ANKRD45: variants seen among roughly 807,000 people sequenced by gnomAD.
ANKRD45 encodes ankyrin repeat domain 45, also known as ankyrin repeat domain-containing protein 45.
A neutral mutation model predicts 28.1 loss-of-function variants in ANKRD45; 21 were observed. That is an observed-to-expected ratio of 0.75 (90% CI 0.53 to 1.08). The LOEUF (loss-of-function observed/expected upper bound fraction) is 1.08. Ranked by LOEUF, ANKRD45 falls within the 50% of genes least tolerant of loss-of-function variation. The pLI is 0.00. For synonymous variants in ANKRD45, 86 were observed against 103.9 expected (o/e 0.83, Z 1.05); for missense variants, 261 against 308.7 (o/e 0.85, Z 1.16).
chr1:173,685,020 A>G, the ANKRD45 span, among the ~76,000 whole-genome samples: 1 of 152,178 alleles, frequency 6.6e-6, no homozygotes, highest in Non-Finnish European at 1.5e-5. Context: ...GAGTCAAAAG[A>G]CCTATAAGAG....
Position 173,659,140 on chromosome 1 carries a change from A to G in ANKRD45, c.279T>C (p.Ile93=). 1 of 1,614,178 alleles carries G rather than the reference A, an allele frequency of 6.2e-7. No individual in the cohort carries two copies. Among genetic ancestry groups the G allele is most frequent in the South Asian group, 1.1e-5 (1 of 91,074 alleles). The change falls in exon 2 of 6, where the codon ATT becomes ATC. Residue 93 remains isoleucine (I), a synonymous_variant. Transcript: ENST00000333279. The stretch of plus-strand genomic sequence containing the variant: ...TCACACCATATTTTGCCAAAGCTCT[A>G]ATCACGTCACTTTGCCCAGCCATGC... ...AACMAGQSDV[I]RALAKYGVNL...
chr1:173,612,827 G>T (rs1038981615), intron 5 of ANKRD45: 1 of 163,408 alleles, frequency 6.1e-6, no homozygotes, highest in Non-Finnish European at 1.3e-5. Context: ...TCCTAACCGC[G>T]AGTGATCCGC....
Position 173,633,542 on chromosome 1 carries a change from C to A in ANKRD45, c.497-6383G>T, listed in dbSNP as rs567993177. ...AAAGCCCCAGAATAGCCAAAGACATCCTGAGCAAAACAAAAACATAAAAAC... is the reference window on the plus strand; with the variant it reads ...AAAGCCCCAGAATAGCCAAAGACATACTGAGCAAAACAAAAACATAAAAAC... On this transcript the variant is annotated intron_variant, in intron 3 of 5. Coordinates refer to ENST00000333279, the MANE Select transcript of ANKRD45 (RefSeq NM_198493.3). Among the ~76,000 whole-genome samples the A allele has an allele frequency of 3.3e-5, 5 of 151,942 alleles. No individual in the cohort carries two copies. In the East Asian group the frequency reaches 7.7e-4, roughly 23 times the overall value.
intron 2 of ANKRD45, among the ~76,000 whole-genome samples, chr1:173,649,708 C>T (rs1436249653): frequency 2.0e-5 from 3 of 152,072 alleles, no homozygotes; most frequent in African/African-American, 7.2e-5. Context: ...TCAAGATATT[C>T]TGTGATGTCT....
chr1:173,655,310 C>T (rs1571764312), intron 2 of ANKRD45, among the ~76,000 whole-genome samples: 1 of 152,188 alleles, frequency 6.6e-6, no homozygotes, highest in East Asian at 1.9e-4. Flanking sequence ...GATGTTGATA[C>T]TATTCCTTTC....
At chr1:173,634,603 A>G (rs957170516) in intron 3 of ANKRD45, among the ~76,000 whole-genome samples, 1 of 151,888 alleles carries the variant, frequency 6.6e-6, no homozygotes, top group Non-Finnish European at 1.5e-5. Context: ...AAAATTTCCT[A>G]ATTCCCCCAA....
the ANKRD45 span, among the ~76,000 whole-genome samples, chr1:173,686,123 G>A: frequency 6.6e-6 from 1 of 152,226 alleles, no homozygotes; most frequent in East Asian, 1.9e-4. Flanking sequence ...TCCAGCCTGA[G>A]GAGAGTCAGG....
the ANKRD45 span, among the ~76,000 whole-genome samples, chr1:173,710,618 CT>C: frequency 3.3e-5 from 5 of 152,232 alleles, no homozygotes; most frequent in South Asian, 2.1e-4. Context: ...TGGAATGCCC[CT>C]GGAAGGTCAT....
intron 5 of ANKRD45, among the ~76,000 whole-genome samples, chr1:173,620,649 C>T (rs926065763): frequency 2.0e-5 from 3 of 151,892 alleles, no homozygotes; most frequent in South Asian, 2.1e-4. Context: ...TGCTAGATGA[C>T]GAGTTAGTGG....
chr1:173,630,923 C>T (rs1432697987), intron 3 of ANKRD45, among the ~76,000 whole-genome samples: 1 of 144,004 alleles, frequency 6.9e-6, no homozygotes, highest in South Asian at 2.2e-4. Context: ...GATAAGACCA[C>T]AAAACAACCA....
the ANKRD45 span, among the ~76,000 whole-genome samples, chr1:173,703,903 T>C: frequency 6.3e-4 from 96 of 152,390 alleles, 1 homozygote; most frequent in Admixed American, 6.0e-3. Flanking sequence ...CTCAGACTTC[T>C]AGCCTCCAGA....
intron 3 of ANKRD45, 139 bp downstream of exon 3, chr1:173,646,706 AT>A: frequency 1.3e-6 from 1 of 790,560 alleles, no homozygotes; most frequent in South Asian, 2.1e-5. Flanking sequence ...AGAGGGGGAA[AT>A]TTCATGTATT....
At chr1:173,613,566 C>A (rs1377478866) in intron 5 of ANKRD45, among the ~76,000 whole-genome samples, 2 of 148,854 alleles carry the variant, frequency 1.3e-5, no homozygotes, top group African/African-American at 5.0e-5. Context: ...GGGTCAGCCC[C>A]CCCCCCGGCC....
At chr1:173,650,994 C>T (rs951669440) in intron 2 of ANKRD45, among the ~76,000 whole-genome samples, 6 of 151,954 alleles carry the variant, frequency 3.9e-5, no homozygotes, top group African/African-American at 1.5e-4. Flanking sequence ...GGATATTAGC[C>T]CTTTATCAGA....
At chr1:173,634,573 A>G (rs1243388470) in intron 3 of ANKRD45, among the ~76,000 whole-genome samples, 3 of 151,850 alleles carry the variant, frequency 2.0e-5, no homozygotes, top group Admixed American at 6.6e-5. Context: ...TTCAAAGCCT[A>G]CTCACATATC....
chr1:173,624,282 T>C (rs1328151453), intron 5 of ANKRD45, among the ~76,000 whole-genome samples: 2 of 151,920 alleles, frequency 1.3e-5, no homozygotes, highest in Admixed American at 6.6e-5. Context: ...TACATGAAGC[T>C]AGGAGTTCAA....
At chr1:173,693,163 G>A in the ANKRD45 span, among the ~76,000 whole-genome samples, 1 of 152,042 alleles carries the variant, frequency 6.6e-6, no homozygotes, top group African/African-American at 2.4e-5. Context: ...AGCCAGGCAT[G>A]GTGGCAAGTG....
At chr1:173,628,408 T>G (rs926222314) in intron 3 of ANKRD45, among the ~76,000 whole-genome samples, 1 of 151,922 alleles carries the variant, frequency 6.6e-6, no homozygotes, top group Non-Finnish European at 1.5e-5. Flanking sequence ...CCCACTGCCC[T>G]GAAGGGAGAA....
chr1:173,693,146 A>G, the ANKRD45 span, among the ~76,000 whole-genome samples: 147 of 152,204 alleles, frequency 9.7e-4, no homozygotes, highest in Non-Finnish European at 1.9e-3. Flanking sequence ...CTAAAAATAC[A>G]AAAATTAGCC....
Sources: gnomAD v4.1 joint callset for allele counts (sites outside exome capture counted in the v4.1 genomes callset) on GRCh38, gnomAD v4.1.1 for gene constraint, MANE v1.5 for transcripts, NCBI Gene and HGNC (gene_info 2026-07-23, HGNC 2026-07-21) for gene names.